The following CENPP variants were observed in gnomAD, a reference collection of about 807,000 sequenced individuals.
CENPP encodes the protein centromere protein P.
Under a neutral mutation model 35.6 loss-of-function variants are expected in CENPP, and 24 were observed. The ratio of observed to expected loss-of-function variants is 0.67; its 90% CI spans 0.49 to 0.95. The LOEUF (loss-of-function observed/expected upper bound fraction) is 0.95. Ranked by LOEUF, CENPP falls within the 40% of genes least tolerant of loss-of-function variation. CENPP has a pLI of 0.00. For missense variants in CENPP, 332 were observed against 345.3 expected (o/e 0.96, Z 0.31); for synonymous variants, 120 against 125.5 (o/e 0.96, Z 0.29).
chr9:92,368,662 T>G (rs1318072978), intron 4 of CENPP, among the ~76,000 whole-genome samples: 1 of 152,216 alleles, frequency 6.6e-6, no homozygotes, highest in African/African-American at 2.4e-5. Context: ...GTGGATAGTT[T>G]TTTTGGCTAC....
At chr9:92,571,103 A>C (rs886554998) in intron 5 of CENPP, among the ~76,000 whole-genome samples, 1 of 151,746 alleles carries the variant, frequency 6.6e-6, no homozygotes, top group African/African-American at 2.4e-5. Context: ...GATCTTAGTT[A>C]TTTCTTGCCT....
rs1046820758 is a variant in CENPP, at chr9:92,613,302, C to T, written c.*153C>T. On this transcript the variant is annotated 3_prime_UTR_variant, in exon 8 of 8. Coordinates refer to ENST00000375587, the MANE Select transcript of CENPP (RefSeq NM_001012267.3). ...GCACATTATATGGAAACTCTCATGA[C>T]ATGAAAAATAAATACAACTAGTTAA... is the stretch of plus-strand genomic sequence containing the variant. 2.5e-6 allele frequency: 2 copies of T among 786,022 alleles called. No individual in the cohort carries two copies. The highest frequency in any genetic ancestry group is 1.7e-5 in the African/African-American group (1 of 57,342). The allele number at this position is 786,022 out of a possible 1,614,324, so 48.7% of individuals were successfully genotyped here.
intron 5 of CENPP, chr9:92,517,984 AATTCTATGTG>A (rs1847830054): frequency 3.1e-6 from 4 of 1,274,660 alleles, no homozygotes; most frequent in Non-Finnish European, 4.4e-6. Flanking sequence ...ACAAGAATAG[AATTCTATGTG>A]CATTCATGTA....
chr9:92,461,798 C>G (rs918457681), intron 5 of CENPP, among the ~76,000 whole-genome samples: 2 of 152,038 alleles, frequency 1.3e-5, no homozygotes, highest in African/African-American at 4.8e-5. Flanking sequence ...TATTTAGTTA[C>G]TTTGTAAGAT....
chr9:92,421,608 T>C (rs1369497375), intron 5 of CENPP, among the ~76,000 whole-genome samples: 3 of 152,248 alleles, frequency 2.0e-5, no homozygotes, highest in Non-Finnish European at 4.4e-5. Flanking sequence ...TACTTTACTG[T>C]ATGTAAACAT....
chr9:92,607,231 C>T (rs543054497), intron 5 of CENPP, among the ~76,000 whole-genome samples: 1 of 152,228 alleles, frequency 6.6e-6, no homozygotes, highest in South Asian at 2.1e-4. Context: ...ATCCAATTGG[C>T]CCAGTGCCAG....
rs149366414 is a variant in CENPP at position 92,419,512 on chromosome 9, G to T, written c.564+39653G>T. On this transcript the variant is annotated intron_variant, in intron 5 of 7. Coordinates refer to ENST00000375587, the MANE Select transcript of CENPP (RefSeq NM_001012267.3). ...GATGGAGTTTCACCATGTTGACCAGGCTGCTCTCGAACTCCTGACCTCATG... is the reference window on the plus strand; with the variant it reads ...GATGGAGTTTCACCATGTTGACCAGTCTGCTCTCGAACTCCTGACCTCATG... 7.2e-5 allele frequency among the ~76,000 whole-genome samples: 11 copies of T among 152,072 alleles called. 1 individual carries two copies. In the East Asian group the frequency reaches 2.1e-3, roughly 29 times the overall value.
chr9:92,493,158 G>A (rs1046299376), intron 5 of CENPP, among the ~76,000 whole-genome samples: 5 of 152,218 alleles, frequency 3.3e-5, no homozygotes, highest in East Asian at 1.9e-4. Flanking sequence ...TTTGTTGATT[G>A]TAAGAAGAAA....
intron 5 of CENPP, among the ~76,000 whole-genome samples, chr9:92,554,455 T>G (rs1849678338): frequency 6.6e-6 from 1 of 152,196 alleles, no homozygotes; most frequent in African/African-American, 2.4e-5. Flanking sequence ...AGTGCTGGGA[T>G]TACAGGCGTG....
chr9:92,453,996 T>C (rs1409178502), intron 5 of CENPP, among the ~76,000 whole-genome samples: 6 of 152,166 alleles, frequency 3.9e-5, no homozygotes, highest in Non-Finnish European at 7.4e-5. Context: ...TTTTAGTGAC[T>C]TCTAAATACC....
At chr9:92,575,673 A>G (rs1171674462) in intron 5 of CENPP, among the ~76,000 whole-genome samples, 1 of 152,162 alleles carries the variant, frequency 6.6e-6, no homozygotes, top group Non-Finnish European at 1.5e-5. Context: ...TTAGCTGGGC[A>G]TGATGGCGTA....
intron 5 of CENPP, among the ~76,000 whole-genome samples, chr9:92,601,237 T>A (rs756032747): frequency 2.4e-4 from 37 of 152,264 alleles, no homozygotes; most frequent in Non-Finnish European, 2.6e-4. Flanking sequence ...TCCACACAAT[T>A]AGACTTGGAG....
chr9:92,334,240 C>T (rs1840849328), intron 2 of CENPP, among the ~76,000 whole-genome samples: 1 of 151,784 alleles, frequency 6.6e-6, no homozygotes, highest in South Asian at 2.1e-4. Flanking sequence ...CCTGCCTCAG[C>T]CTCCCGCGTA....
intron 5 of CENPP, among the ~76,000 whole-genome samples, chr9:92,447,895 T>C (rs1450257873): frequency 6.6e-6 from 1 of 152,156 alleles, no homozygotes; most frequent in Non-Finnish European, 1.5e-5. Context: ...TTCATTTTGA[T>C]TGAGTTTTAT....
chr9:92,455,005 G>A (rs898781876), intron 5 of CENPP, among the ~76,000 whole-genome samples: 7 of 152,152 alleles, frequency 4.6e-5, no homozygotes, highest in East Asian at 1.9e-4. Flanking sequence ...CTGTAAAGCC[G>A]TTGTTTGCAA....
rs149821597 is a variant in CENPP at position 92,615,870 on chromosome 9, C to T, written c.*2721C>T. ...AGAACTAATGTGCAATCTTCGCTTT[C>T]CTTGAACCGAGTCGACATCACGGCG... On this transcript the variant is annotated 3_prime_UTR_variant, in exon 8 of 8. Coordinates refer to ENST00000375587, the MANE Select transcript of CENPP (RefSeq NM_001012267.3). 36 of 1,614,052 alleles carry T rather than the reference C, an allele frequency of 2.2e-5. No individual in the cohort carries two copies. In the Middle Eastern group the frequency reaches 4.9e-4, roughly 22 times the overall value.
At chr9:92,381,218 G>A (rs1481863763) in intron 5 of CENPP, among the ~76,000 whole-genome samples, 4 of 151,840 alleles carry the variant, frequency 2.6e-5, no homozygotes, top group Non-Finnish European at 4.4e-5. Context: ...TATATGTGGA[G>A]TGTCTTTTCA....
chr9:92,378,695 C>A (rs1194098863), intron 4 of CENPP, among the ~76,000 whole-genome samples: 1 of 152,186 alleles, frequency 6.6e-6, no homozygotes, highest in South Asian at 2.1e-4. Flanking sequence ...ATGGTTCTTG[C>A]CTTCAAGTTA....
intron 5 of CENPP, among the ~76,000 whole-genome samples, chr9:92,458,904 A>G (rs999553702): frequency 3.9e-5 from 6 of 152,204 alleles, no homozygotes; most frequent in Non-Finnish European, 8.8e-5. Flanking sequence ...AAACTTGTTT[A>G]AAGATACACC....
Sources: gnomAD v4.1 joint callset for allele counts (sites outside exome capture counted in the v4.1 genomes callset) on GRCh38, gnomAD v4.1.1 for gene constraint, MANE v1.5 for transcripts, NCBI Gene and HGNC (gene_info 2026-07-23, HGNC 2026-07-21) for gene names.